Variants in DGKI observed in about 807,000 individuals in gnomAD.
DGKI encodes the protein DAG kinase iota.
A neutral mutation model predicts 147.5 loss-of-function variants in DGKI; 55 were observed. That is an observed-to-expected ratio of 0.37 (90% CI 0.30 to 0.47). DGKI has a LOEUF of 0.47. DGKI is among the 20% of genes least tolerant of loss of function. The pLI is 1.00. For missense variants in DGKI, 1,007 were observed against 1,323.8 expected (o/e 0.76, Z 3.71); for synonymous variants, 469 against 477.1 (o/e 0.98, Z 0.22).
At chr7:137,591,090 G>A (rs557180879) in intron 12 of DGKI, among the ~76,000 whole-genome samples, 1 of 152,278 alleles carries the variant, frequency 6.6e-6, no homozygotes, top group South Asian at 2.1e-4. Context: ...ACTGAGCTAC[G>A]ATTCCTCACA....
At chr7:137,476,412 T>C (rs1563042843) in intron 23 of DGKI, among the ~76,000 whole-genome samples, 1 of 152,222 alleles carries the variant, frequency 6.6e-6, no homozygotes, top group African/African-American at 2.4e-5. Context: ...GGCTATAGAT[T>C]AAATAAAGCT....
intron 21 of DGKI, among the ~76,000 whole-genome samples, chr7:137,515,000 C>A (rs1469682983): frequency 6.6e-6 from 1 of 152,136 alleles, no homozygotes; most frequent in Non-Finnish European, 1.5e-5. Context: ...CATGTGCTGA[C>A]CCTTTAAAAG....
intron 12 of DGKI, among the ~76,000 whole-genome samples, chr7:137,590,313 G>A (rs1245628683): frequency 1.3e-5 from 2 of 152,208 alleles, no homozygotes; most frequent in Non-Finnish European, 2.9e-5. Context: ...TACTATGGCT[G>A]AAAGAAGCCC....
At chr7:137,578,593 C>G (rs1306504040) in intron 15 of DGKI, among the ~76,000 whole-genome samples, 1 of 152,200 alleles carries the variant, frequency 6.6e-6, no homozygotes, top group African/African-American at 2.4e-5. Context: ...TGATTAGGCC[C>G]TAGCCAGATC....
chr7:137,544,655 A>G (rs1817808687), intron 20 of DGKI, among the ~76,000 whole-genome samples: 2 of 152,312 alleles, frequency 1.3e-5, no homozygotes, highest in South Asian at 4.1e-4. Flanking sequence ...ATATTGTGCA[A>G]TTCTATTTAG....
chr7:137,846,950 G>A lies in DGKI; in HGVS notation c.-88C>T. 2.1e-6 allele frequency: 2 copies of A among 963,030 alleles called. No individual in the cohort carries two copies. The highest frequency in any genetic ancestry group is 2.5e-6 in the Non-Finnish European group (2 of 798,688). The allele number at this position is 963,030 out of a possible 1,614,324, so 59.7% of individuals were successfully genotyped here. Reference sequence around the variant, plus strand: ...CAGAGGCCGCCGCTCCCCGCCTCCCGCGCCCTCCCGCGCCGGCCCGCACCC... The same window carrying A: ...CAGAGGCCGCCGCTCCCCGCCTCCCACGCCCTCCCGCGCCGGCCCGCACCC... On this transcript the variant is annotated 5_prime_UTR_variant, in exon 1 of 33. Coordinates refer to ENST00000614521, the MANE Select transcript of DGKI (RefSeq NM_001321708.2). The surrounding 1 kb of genome is among the most constrained non-coding windows in gnomAD (Gnocchi z 4.0).
Position 137,846,831 on chromosome 7 carries a change from A to G in DGKI, c.32T>C (p.Leu11Pro). ...AGGTCCGCGCGCCGCTGGCAGGGGC[A>G]GCAAATGGCAGCCCCTTCCCGCAGC... MDAAGRGCHL[L>P]PLPAARGPAR... is the part of the protein sequence containing the mutation. The change falls in exon 1 of 33, where the codon CTG (leucine) becomes CCG (proline). Residue 11 changes from leucine to proline, a missense_variant. Around this residue, in one of 5 missense-constraint regions of DGKI, gnomAD observed 137 missense variants for 114.4 expected, o/e 1.20. Transcript: ENST00000614521. This position sits in a 1 kb window ranked among gnomAD's most constrained non-coding sequence, Gnocchi z 4.0. 14 of 1,136,474 alleles carry G rather than the reference A, an allele frequency of 1.2e-5. No individual in the cohort carries two copies. The highest frequency in any genetic ancestry group is 1.5e-5 in the Non-Finnish European group (14 of 927,042). 70.4% of individuals were successfully genotyped at this position (1,136,474 alleles called of 1,614,324 possible).
At chr7:137,786,470 T>C (rs952788243) in intron 1 of DGKI, among the ~76,000 whole-genome samples, 2 of 151,976 alleles carry the variant, frequency 1.3e-5, no homozygotes, top group Admixed American at 6.6e-5. Flanking sequence ...AAATCATAGA[T>C]GCCACAGCAA....
At chr7:137,695,342 T>C (rs1424075493) in intron 1 of DGKI, among the ~76,000 whole-genome samples, 1 of 152,244 alleles carries the variant, frequency 6.6e-6, no homozygotes, top group African/African-American at 2.4e-5. Flanking sequence ...GTCTATTTTA[T>C]GCCAAGCACT....
intron 1 of DGKI, among the ~76,000 whole-genome samples, chr7:137,810,594 G>A (rs1797531846): frequency 6.6e-6 from 1 of 152,106 alleles, no homozygotes; most frequent in African/African-American, 2.4e-5. Context: ...TATACTGTAG[G>A]AACACAAGAC....
At chr7:137,632,106 T>G (rs1417779240) in intron 6 of DGKI, among the ~76,000 whole-genome samples, 2 of 152,176 alleles carry the variant, frequency 1.3e-5, no homozygotes, top group Non-Finnish European at 2.9e-5. Flanking sequence ...AGATTGAAGT[T>G]GCAAGGGGAC....
rs939083749 is a variant in DGKI, at chr7:137,756,772, G to C, written c.402-66770C>G. Among the ~76,000 whole-genome samples, 9 of 152,214 alleles carry C rather than the reference G, an allele frequency of 5.9e-5. No homozygotes were observed. In the South Asian group the frequency reaches 1.9e-3, roughly 32 times the overall value. On this transcript the variant is annotated intron_variant, in intron 1 of 32. Transcript: ENST00000614521. ...CTTGCCTCAGAGACTACATTGTGTA[G>C]ATTTAAGAGTTGATTAGTACTGGGT... is the stretch of plus-strand genomic sequence containing the variant.
chr7:137,612,113 C>T (rs1246399537), intron 8 of DGKI, among the ~76,000 whole-genome samples: 1 of 151,594 alleles, frequency 6.6e-6, no homozygotes, highest in Non-Finnish European at 1.5e-5. Flanking sequence ...TGATCAAGCA[C>T]GTATGGGGAG....
intron 1 of DGKI, among the ~76,000 whole-genome samples, chr7:137,732,959 C>T (rs1448255273): frequency 6.6e-6 from 1 of 152,002 alleles, no homozygotes; most frequent in Non-Finnish European, 1.5e-5. Context: ...ATCATCTCAG[C>T]TCCCAGTGTC....
intron 15 of DGKI, 71 bp from the exon 16 acceptor site, chr7:137,578,396 C>A: frequency 1.9e-6 from 2 of 1,074,398 alleles, no homozygotes. Flanking sequence ...AGCACTCCTA[C>A]TTCCTCCCCA....
intron 1 of DGKI, among the ~76,000 whole-genome samples, chr7:137,697,110 G>A (rs1823816920): frequency 6.6e-6 from 1 of 152,166 alleles, no homozygotes; most frequent in Non-Finnish European, 1.5e-5. Context: ...CTCCAGAACT[G>A]TGAGACAATA....
chr7:137,846,441 C>T lies in DGKI; in HGVS notation c.401+21G>A. The T allele has an allele frequency of 6.4e-7, 1 of 1,562,056 alleles. No homozygotes were observed. On this transcript the variant is annotated intron_variant, in intron 1 of 32. Transcript: ENST00000614521. The surrounding 1 kb of genome is among the most constrained non-coding windows in gnomAD (Gnocchi z 4.0). Reference sequence around the variant, plus strand: ...TCCCGCCGCGGCGCACCTGTCTCGGCTGCCGGCTCCCCGCACCTACCTGTA... The same window carrying T: ...TCCCGCCGCGGCGCACCTGTCTCGGTTGCCGGCTCCCCGCACCTACCTGTA...
intron 1 of DGKI, among the ~76,000 whole-genome samples, chr7:137,717,864 C>T (rs1794427513): frequency 1.3e-5 from 2 of 152,158 alleles, no homozygotes; most frequent in African/African-American, 4.8e-5. Context: ...ACATGAATCG[C>T]ACTGTTTCCA....
chr7:137,495,994 C>A (rs1343860573), intron 21 of DGKI, among the ~76,000 whole-genome samples: 3 of 151,998 alleles, frequency 2.0e-5, no homozygotes, highest in African/African-American at 7.2e-5. Flanking sequence ...AAAAGGCACC[C>A]AAATAGGAAG....
Sources: gnomAD v4.1 joint callset for allele counts (sites outside exome capture counted in the v4.1 genomes callset) on GRCh38, gnomAD v4.1.1 for gene constraint, gnomAD v4.1.1 regional missense constraint, Gnocchi (gnomAD v3.1) non-coding constraint, MANE v1.5 for transcripts, NCBI Gene and HGNC (gene_info 2026-07-23, HGNC 2026-07-21) for gene names.